The following SLC2A9 variants were observed in gnomAD, a reference collection of about 807,000 sequenced individuals.
The protein encoded by SLC2A9 is solute carrier family 2 member 9.
SLC2A9 carries 39 observed loss-of-function variants against 50.6 expected under a neutral mutation model. The observed-to-expected ratio is 0.77, with a 90% CI of 0.60 to 1.01. The LOEUF (loss-of-function observed/expected upper bound fraction) is 1.01, where lower values mean the gene tolerates loss of function less well. SLC2A9 is among the 50% of genes least tolerant of loss of function. The probability of loss-of-function intolerance (pLI) is 0.00; values close to 1 mark genes in which losing one functional copy is unlikely to be tolerated. For synonymous variants in SLC2A9, 324 were observed against 276.9 expected, an observed-to-expected ratio of 1.17 and a Z score of -1.69; for missense variants, 686 against 677.6, an observed-to-expected ratio of 1.01 and a Z score of -0.14.
At chr4:9,971,390 C>G (rs959728157) in intron 5 of SLC2A9, among the ~76,000 whole-genome samples, 3 of 152,148 alleles carry the variant, frequency 2.0e-5, no homozygotes, top group African/African-American at 7.2e-5. Context: ...CAGAACAAAT[C>G]TTCACAGAAT....
intron 1 of SLC2A9, among the ~76,000 whole-genome samples, chr4:10,020,489 G>A (rs981360946): frequency 4.6e-5 from 7 of 152,156 alleles, no homozygotes; most frequent in African/African-American, 1.7e-4. Flanking sequence ...TATAAGCCTT[G>A]GGGATGGGTG....
At chr4:9,789,088 T>C (rs1850744) in intron 3 of SLC2A9, among the ~76,000 whole-genome samples, 141,991 of 152,258 alleles carry the variant, frequency 0.93, 66,376 homozygotes, top group Middle Eastern at 0.96. Context: ...TCTATGCCTA[T>C]TTATGTAGAT....
chr4:10,015,738 C>T (rs566684533), intron 2 of SLC2A9, among the ~76,000 whole-genome samples: 6 of 152,286 alleles, frequency 3.9e-5, no homozygotes, highest in Admixed American at 1.3e-4. Context: ...AACGAATCCA[C>T]CGGCACTTTG....
In SLC2A9 at chr4:9,782,836, G is replaced by T. The variant is rs772098739; in HGVS notation, n.386-2771C>A. The T allele has an allele frequency of 1.1e-5, 18 of 1,612,892 alleles. 1 individual carries two copies. The highest frequency in any genetic ancestry group is 1.7e-5 in the Admixed American group (1 of 59,962). On this transcript the variant is annotated intron_variant and non_coding_transcript_variant, in intron 3 of 3. Coordinates refer to the SLC2A9 transcript ENST00000503803. ...CCCTGGAGAGGGCCGCAGAGCACGCGCAGAGCTGCCGGAGCAGCGCAGCCT... is the reference window on the plus strand; with the variant it reads ...CCCTGGAGAGGGCCGCAGAGCACGCTCAGAGCTGCCGGAGCAGCGCAGCCT...
chr4:9,920,791 C>T (rs1030685632), intron 6 of SLC2A9, among the ~76,000 whole-genome samples: 1 of 152,208 alleles, frequency 6.6e-6, no homozygotes, highest in Non-Finnish European at 1.5e-5. Flanking sequence ...CATCACCCAG[C>T]TGGCTGGGAG....
upstream of SLC2A9, among the ~76,000 whole-genome samples, chr4:10,026,286 G>C (rs1013998747): frequency 6.6e-6 from 1 of 152,070 alleles, no homozygotes; most frequent in African/African-American, 2.4e-5. Flanking sequence ...TTATCTCTCT[G>C]TGTTGGATCT....
intron 2 of SLC2A9, among the ~76,000 whole-genome samples, chr4:10,008,347 G>GA (rs1761157684): frequency 6.6e-6 from 1 of 152,238 alleles, no homozygotes; most frequent in Non-Finnish European, 1.5e-5. Flanking sequence ...CCCCAGGCTG[G>GA]AAAAGGTCCC....
intron 2 of SLC2A9, among the ~76,000 whole-genome samples, chr4:10,004,700 T>G (rs1385601302): frequency 6.6e-6 from 1 of 152,206 alleles, no homozygotes; most frequent in Admixed American, 6.5e-5. Flanking sequence ...TTTGCCCTGC[T>G]GACACAATCA....
At chr4:9,868,272 T>C (rs1055653242) in intron 10 of SLC2A9, among the ~76,000 whole-genome samples, 2 of 152,254 alleles carry the variant, frequency 1.3e-5, no homozygotes, top group African/African-American at 4.8e-5. Flanking sequence ...AGGAGTGTTC[T>C]GACCTCAGAG....
intron 3 of SLC2A9, among the ~76,000 whole-genome samples, chr4:9,801,218 C>G (rs1721362176): frequency 1.3e-5 from 2 of 152,128 alleles, no homozygotes; most frequent in Non-Finnish European, 2.9e-5. Flanking sequence ...CTATCCTAGA[C>G]TTTCCCCACC....
chr4:10,036,483 G>A (rs2109598223), intron 1 of SLC2A9, among the ~76,000 whole-genome samples: 1 of 152,326 alleles, frequency 6.6e-6, no homozygotes, highest in East Asian at 1.9e-4. Flanking sequence ...GCTATTGGGT[G>A]TTTACGCTAC....
intron 6 of SLC2A9, among the ~76,000 whole-genome samples, chr4:9,938,294 T>G (rs1042556956): frequency 7.3e-6 from 1 of 137,602 alleles, no homozygotes; most frequent in African/African-American, 2.9e-5. Flanking sequence ...TTTTTTGAGA[T>G]GGAGTCTCAC....
At chr4:9,968,155 A>C (rs1409406951) in intron 5 of SLC2A9, among the ~76,000 whole-genome samples, 1 of 152,114 alleles carries the variant, frequency 6.6e-6, no homozygotes, top group African/African-American at 2.4e-5. Context: ...TGTTTGTTTT[A>C]TAGTCTCCAT....
chr4:9,939,080 T>C lies in SLC2A9; in HGVS notation c.814+2833A>G, dbSNP rs1023863661. ...TAGCTATGTGACTTACTTTGGCCAA[T>C]AGGATTTTAGGAGATTTCAAGCTTA... On this transcript the variant is annotated intron_variant, in intron 6 of 11. Transcript: ENST00000264784. Among the ~76,000 whole-genome samples, 4 of 152,146 alleles carry C rather than the reference T, an allele frequency of 2.6e-5. No homozygotes were observed. The East Asian group carries it at 5.8e-4, about 22-fold the overall frequency.
intron 3 of SLC2A9, among the ~76,000 whole-genome samples, chr4:9,817,861 C>T (rs916536900): frequency 6.6e-6 from 1 of 152,214 alleles, no homozygotes. Flanking sequence ...CAGACAATCC[C>T]TGCTGCCAGA....
At chr4:9,772,676 C>A (rs1240526614) in intron 1 of SLC2A9, among the ~76,000 whole-genome samples, 1 of 152,202 alleles carries the variant, frequency 6.6e-6, no homozygotes, top group Non-Finnish European at 1.5e-5. Flanking sequence ...TTTTAAGCTG[C>A]TGAGACCCTG....
chr4:9,967,567 T>C (rs952895537), intron 5 of SLC2A9, among the ~76,000 whole-genome samples: 1 of 151,890 alleles, frequency 6.6e-6, no homozygotes, highest in Non-Finnish European at 1.5e-5. Context: ...AGACAAAATA[T>C]GTACTTCATT....
At chr4:10,003,102 GA>G (rs1760136597) in intron 2 of SLC2A9, among the ~76,000 whole-genome samples, 1 of 152,200 alleles carries the variant, frequency 6.6e-6, no homozygotes, top group Non-Finnish European at 1.5e-5. Flanking sequence ...CATAAGTAAT[GA>G]GTATCCAGGA....
upstream of SLC2A9, chr4:10,021,526 C>T (rs963113627): frequency 5.7e-6 from 9 of 1,574,186 alleles, no homozygotes; most frequent in South Asian, 3.4e-5. Context: ...GGAAGGAGGG[C>T]GGGAGTTCCT....
Sources: gnomAD v4.1 joint callset for allele counts (sites outside exome capture counted in the v4.1 genomes callset) on GRCh38, gnomAD v4.1.1 for gene constraint, MANE v1.5 for transcripts, NCBI Gene and HGNC (gene_info 2026-07-23, HGNC 2026-07-21) for gene names.